CACNA2D3: variants seen among roughly 807,000 people sequenced by gnomAD.
CACNA2D3 encodes calcium voltage-gated channel auxiliary subunit alpha2delta 3, also known as voltage-dependent calcium channel subunit alpha-2/delta-3.
A neutral mutation model predicts 160.6 loss-of-function variants in CACNA2D3; 60 were observed. The observed-to-expected ratio is 0.37, with a 90% CI of 0.30 to 0.46. The LOEUF (loss-of-function observed/expected upper bound fraction) is 0.46. Among genes scored for constraint, CACNA2D3 ranks in the 20% least tolerant of loss-of-function variants. The pLI is 1.00. For missense variants in CACNA2D3, 1,205 were observed against 1,365.0 expected, an observed-to-expected ratio of 0.88 and a Z score of 1.85; for synonymous variants, 558 against 492.9, an observed-to-expected ratio of 1.13 and a Z score of -1.75.
intron 11 of CACNA2D3, among the ~76,000 whole-genome samples, chr3:54,702,608 G>A (rs1700787595): frequency 2.0e-5 from 3 of 152,230 alleles, no homozygotes; most frequent in African/African-American, 7.2e-5. Context: ...ATGTTAGGTT[G>A]CAGAGGAAAA....
At chr3:54,884,872 G>A (rs1699885893) in intron 21 of CACNA2D3, among the ~76,000 whole-genome samples, 1 of 152,222 alleles carries the variant, frequency 6.6e-6, no homozygotes, top group Admixed American at 6.5e-5. Context: ...CTGACGTTTA[G>A]AGAAGTAAAA....
intron 4 of CACNA2D3, among the ~76,000 whole-genome samples, chr3:54,413,375 TG>T: frequency 6.7e-6 from 1 of 148,860 alleles, no homozygotes; most frequent in African/African-American, 2.4e-5. Context: ...GTGATAAGGA[TG>T]TTTCTAGATG....
In CACNA2D3 at chr3:54,183,229, T is replaced by TTTTG. The variant is rs11437832; in HGVS notation, c.204+59635_204+59636insTTTG. Among the ~76,000 whole-genome samples the TTTTG allele has an allele frequency of 4.9e-4, 71 of 145,710 alleles. 1 individual carries two copies. The highest frequency in any genetic ancestry group is 2.0e-3 in the South Asian group (9 of 4,598). On this transcript the variant is annotated intron_variant, in intron 2 of 37. Coordinates refer to ENST00000474759, the MANE Select transcript of CACNA2D3 (RefSeq NM_018398.3). The stretch of plus-strand genomic sequence containing the variant: ...AAAGAAAATTTTTTTTTTTTTTTTT[T>TTTTG]CTATTCAGAAAATATATTGAAAGAA...
At chr3:54,173,849 C>T (rs1559871789) in intron 2 of CACNA2D3, among the ~76,000 whole-genome samples, 2 of 152,170 alleles carry the variant, frequency 1.3e-5, no homozygotes, top group Non-Finnish European at 2.9e-5. Context: ...TTAAAGATCT[C>T]TCCTAAGCTT....
chr3:54,729,513 T>G (rs1701343741), intron 11 of CACNA2D3, among the ~76,000 whole-genome samples: 1 of 152,224 alleles, frequency 6.6e-6, no homozygotes, highest in Non-Finnish European at 1.5e-5. Context: ...TGGTTCTCAC[T>G]GATTGTGCAC....
intron 2 of CACNA2D3, among the ~76,000 whole-genome samples, chr3:54,158,410 T>C (rs75476153): frequency 0.025 from 3,830 of 152,256 alleles, 174 homozygotes; most frequent in African/African-American, 0.088. Flanking sequence ...AAGGAGCTCA[T>C]CTTGAGCTTT....
rs569501820 is a variant in CACNA2D3, at chr3:55,067,101, C to CGG, written c.2988-6337_2988-6336dup. The stretch of plus-strand genomic sequence containing the variant: ...TCTTTCCGCTGGCAATCTTTTGTAG[C>CGG]GGGGGGGGCTTTTCTCCTCTCAGTG... On this transcript the variant is annotated intron_variant, in intron 35 of 37. Coordinates refer to ENST00000474759, the MANE Select transcript of CACNA2D3 (RefSeq NM_018398.3). 2.4e-4 allele frequency among the ~76,000 whole-genome samples: 36 copies of CGG among 150,426 alleles called. 2 individuals are homozygous for CGG. Among genetic ancestry groups the CGG allele is most frequent in the South Asian group, 1.1e-3 (5 of 4,698 alleles).
intron 2 of CACNA2D3, among the ~76,000 whole-genome samples, chr3:54,294,434 G>A (rs942133332): frequency 6.7e-6 from 1 of 148,758 alleles, no homozygotes; most frequent in African/African-American, 2.4e-5. Context: ...CCAGCCCTCT[G>A]CTTGTCCTCT....
At chr3:54,976,258 T>TTG (rs1168318271) in intron 29 of CACNA2D3, among the ~76,000 whole-genome samples, 1 of 144,984 alleles carries the variant, frequency 6.9e-6, no homozygotes, top group African/African-American at 2.6e-5. Flanking sequence ...CAAGTCTCAC[T>TTG]TGTGTGTGTG....
At position 54,133,944 on chromosome 3, in the gene CACNA2D3, A is replaced by T. The variant is rs533384362; in HGVS notation, c.204+10350A>T. On this transcript the variant is annotated intron_variant, in intron 2 of 37. Transcript: ENST00000474759. Reference sequence around the variant, plus strand: ...CTTACCTGTAAAATGGGGTCATGATAGGGAGGATTAAGTACGGAGGCATGT... The same window carrying T: ...CTTACCTGTAAAATGGGGTCATGATTGGGAGGATTAAGTACGGAGGCATGT... Among the ~76,000 whole-genome samples the T allele has an allele frequency of 1.3e-4, 20 of 152,298 alleles. No individual in the cohort carries two copies. In the South Asian group the frequency reaches 4.2e-3, roughly 32 times the overall value.
intron 17 of CACNA2D3, among the ~76,000 whole-genome samples, chr3:54,851,599 A>G (rs1699059503): frequency 6.6e-6 from 1 of 152,206 alleles, no homozygotes; most frequent in Admixed American, 6.5e-5. Flanking sequence ...CATTTGGACC[A>G]GTACCGAGGT....
At chr3:54,320,743 A>C (rs1363050537) in intron 3 of CACNA2D3, among the ~76,000 whole-genome samples, 185 bp downstream of exon 3, 1 of 152,204 alleles carries the variant, frequency 6.6e-6, no homozygotes, top group African/African-American at 2.4e-5. Flanking sequence ...TGCCCTTTTC[A>C]TAGAGGGTTC....
intron 2 of CACNA2D3, among the ~76,000 whole-genome samples, chr3:54,149,148 T>C (rs753298163): frequency 2.0e-5 from 3 of 151,938 alleles, no homozygotes; most frequent in African/African-American, 7.3e-5. Flanking sequence ...GAATCCATAC[T>C]TGTCCCTGAC....
chr3:54,295,836 T>G (rs946595509), intron 2 of CACNA2D3, among the ~76,000 whole-genome samples: 4 of 152,200 alleles, frequency 2.6e-5, no homozygotes, highest in African/African-American at 9.6e-5. Context: ...TTATCTTACT[T>G]AGGAATAGAA....
chr3:54,657,410 A>AT (rs1356818913), intron 11 of CACNA2D3, among the ~76,000 whole-genome samples: 4 of 152,040 alleles, frequency 2.6e-5, no homozygotes, highest in African/African-American at 9.7e-5. Context: ...TCTCTTACCA[A>AT]TTTTTTGGGT....
chr3:54,412,259 A>T (rs1279886045), intron 4 of CACNA2D3, among the ~76,000 whole-genome samples: 1 of 152,000 alleles, frequency 6.6e-6, no homozygotes, highest in African/African-American at 2.4e-5. Context: ...TCATTTTAAT[A>T]TATCCTGTTT....
intron 4 of CACNA2D3, among the ~76,000 whole-genome samples, chr3:54,408,555 G>A (rs2106720739): frequency 6.6e-6 from 1 of 152,222 alleles, no homozygotes; most frequent in Admixed American, 6.5e-5. Flanking sequence ...GTAGTAACCA[G>A]ATGTTAACCA....
intron 27 of CACNA2D3, among the ~76,000 whole-genome samples, chr3:54,948,819 G>T (rs1345809497): frequency 6.6e-6 from 1 of 152,202 alleles, no homozygotes; most frequent in Non-Finnish European, 1.5e-5. Context: ...AGTTGCATCT[G>T]TCAGGAGCTG....
intron 35 of CACNA2D3, among the ~76,000 whole-genome samples, chr3:55,071,781 A>G (rs1346945901): frequency 6.6e-6 from 1 of 152,062 alleles, no homozygotes; most frequent in Non-Finnish European, 1.5e-5. Flanking sequence ...TTTATGTCAT[A>G]TTTTCATCTC....
Sources: allele counts gnomAD v4.1 joint callset (sites outside exome capture counted in the v4.1 genomes callset), GRCh38; gene constraint gnomAD v4.1.1; transcripts MANE v1.5; gene names NCBI Gene and HGNC (gene_info 2026-07-23, HGNC 2026-07-21).